Variants in HEATR5B observed in about 807,000 individuals in gnomAD.
The protein encoded by HEATR5B is HEAT repeat containing 5B, also known as HEAT repeat-containing protein 5B.
Under a neutral mutation model 224.1 loss-of-function variants are expected in HEATR5B, and 156 were observed. That is an observed-to-expected ratio of 0.70 (90% CI 0.61 to 0.80). HEATR5B has a LOEUF of 0.80. HEATR5B is among the 30% of genes least tolerant of loss of function. The pLI, the probability that HEATR5B is intolerant of heterozygous loss-of-function variation, is 0.00. For missense variants in HEATR5B, 2,323 were observed against 2,535.5 expected, an observed-to-expected ratio of 0.92 and a Z score of 1.80; for synonymous variants, 1,027 against 893.0, an observed-to-expected ratio of 1.15 and a Z score of -2.68.
At chr2:37,066,007 T>C (rs1671567127) in intron 8 of HEATR5B, 97 bp from the exon 9 acceptor site, 1 of 1,008,022 alleles carries the variant, frequency 9.9e-7, no homozygotes, top group Non-Finnish European at 1.4e-6. Flanking sequence ...TACCAGTTGA[T>C]GTCCGAGTGT....
intron 33 of HEATR5B, among the ~76,000 whole-genome samples, chr2:36,999,484 C>T (rs1384389035): frequency 6.6e-6 from 1 of 151,162 alleles, no homozygotes; most frequent in African/African-American, 2.4e-5. Flanking sequence ...TTGAGATCAG[C>T]CTGGCCAACA....
Position 37,000,570 on chromosome 2 carries a change from A to G in HEATR5B, c.5545+16T>C. ...CATATCCTAACTAACTAAAACGTTT[A>G]AAACTGATAGGTTACCTGGTTGAGA... On this transcript the variant is annotated intron_variant, in intron 33 of 35. Transcript: ENST00000233099. 1 of 1,607,150 alleles carries G rather than the reference A, an allele frequency of 6.2e-7. No homozygotes were observed. The highest frequency in any genetic ancestry group is 8.5e-7 in the Non-Finnish European group (1 of 1,173,670).
At chr2:37,064,567 T>A (rs1671473499) in intron 10 of HEATR5B, among the ~76,000 whole-genome samples, 173 bp downstream of exon 10, 1 of 152,110 alleles carries the variant, frequency 6.6e-6, no homozygotes, top group Non-Finnish European at 1.5e-5. Context: ...TACATCAGAA[T>A]TAAATATCAA....
chr2:36,992,328 C>T (rs1334088752), intron 33 of HEATR5B, among the ~76,000 whole-genome samples: 1 of 152,114 alleles, frequency 6.6e-6, no homozygotes, highest in East Asian at 1.9e-4. Context: ...CTCCTGTAAT[C>T]CCAGCACTTT....
rs377467418 is a variant in HEATR5B, at chr2:37,019,504, T to G, written c.4104+305A>C. 1.3e-4 allele frequency among the ~76,000 whole-genome samples: 19 copies of G among 151,674 alleles called. No individual in the cohort carries two copies. In the East Asian group the frequency reaches 3.1e-3, roughly 25 times the overall value. On this transcript the variant is annotated intron_variant, in intron 26 of 35. Coordinates refer to ENST00000233099, the MANE Select transcript of HEATR5B (RefSeq NM_019024.3). ...CAGGGTCTCGCTCCGTTGCCCAGGC[T>G]GGAGTACAGTGGCGAAATCTTGGGT...
At chr2:37,076,584 G>T (rs1229522784) in intron 4 of HEATR5B, among the ~76,000 whole-genome samples, 1 of 149,602 alleles carries the variant, frequency 6.7e-6, no homozygotes, top group Non-Finnish European at 1.5e-5. Flanking sequence ...GTTGTTTTAA[G>T]CCACCCAGTC....
At position 37,029,972 on chromosome 2, in the gene HEATR5B, T is replaced by TAAATAAATAAAA. The variant is rs1266352467; in HGVS notation, c.3362-1053_3362-1052insTTTTATTTATTT. 1.8e-4 allele frequency among the ~76,000 whole-genome samples: 27 copies of TAAATAAATAAAA among 146,796 alleles called. No individual in the cohort carries two copies. The South Asian group carries it at 4.2e-3, about 23-fold the overall frequency. On this transcript the variant is annotated intron_variant, in intron 22 of 35. Coordinates refer to ENST00000233099, the MANE Select transcript of HEATR5B (RefSeq NM_019024.3). ...ATAAATAAATAAATAAATAAATAAATAAAAATTGGGAAAATCCAAAGAGTA... is the reference window on the plus strand; with the variant it reads ...ATAAATAAATAAATAAATAAATAAATAAATAAATAAAAAAAAATTGGGAAAATCCAAAGAGTA...
chr2:37,037,159 T>TATA (rs1448007926), intron 21 of HEATR5B, among the ~76,000 whole-genome samples: 5 of 139,382 alleles, frequency 3.6e-5, no homozygotes, highest in Non-Finnish European at 6.3e-5. Flanking sequence ...TATATATATA[T>TATA]TTTGGAGATG....
chr2:37,021,543 T>A (rs1668456932), intron 24 of HEATR5B, among the ~76,000 whole-genome samples: 1 of 152,162 alleles, frequency 6.6e-6, no homozygotes, highest in Non-Finnish European at 1.5e-5. Context: ...CTGTGGCCAA[T>A]GCGTAACTGA....
chr2:37,028,199 T>A, intron 23 of HEATR5B, 25 bp from the exon 24 acceptor site: 1 of 1,510,134 alleles, frequency 6.6e-7, no homozygotes, highest in Non-Finnish European at 9.0e-7. Context: ...AGGAATATTG[T>A]AACAATCTCA....
intron 34 of HEATR5B, among the ~76,000 whole-genome samples, chr2:36,989,838 T>C (rs911755220): frequency 6.6e-6 from 1 of 150,774 alleles, no homozygotes. Context: ...ATACAGATCT[T>C]GGAGCCACCT....
At position 37,009,526 on chromosome 2, in the gene HEATR5B, A is replaced by C. The variant is rs1346296119; in HGVS notation, c.4285-678T>G. On this transcript the variant is annotated intron_variant, in intron 27 of 35. Transcript: ENST00000233099. ...CAGGAGTTCAAGGTTCCAGTGAGCT[A>C]TGATCGTGCCACTGCATTCCAGCCT... is the stretch of plus-strand genomic sequence containing the variant. Among the ~76,000 whole-genome samples, 3 of 151,980 alleles carry C rather than the reference A, an allele frequency of 2.0e-5. No homozygotes were observed. In the East Asian group the frequency reaches 5.8e-4, roughly 29 times the overall value.
chr2:37,011,462 T>C (rs1408301305), intron 27 of HEATR5B, among the ~76,000 whole-genome samples: 1 of 152,200 alleles, frequency 6.6e-6, no homozygotes, highest in East Asian at 1.9e-4. Flanking sequence ...CGACTTATAA[T>C]TTTATTTTAA....
intron 26 of HEATR5B, among the ~76,000 whole-genome samples, chr2:37,015,328 T>C (rs570563610): frequency 6.7e-4 from 102 of 152,318 alleles, no homozygotes; most frequent in African/African-American, 2.1e-3. Context: ...ATTATTAGAA[T>C]TGTGCTTTAG....
intron 18 of HEATR5B, among the ~76,000 whole-genome samples, chr2:37,043,590 T>C (rs1328713545): frequency 2.1e-5 from 3 of 144,390 alleles, no homozygotes; most frequent in Non-Finnish European, 4.6e-5. Flanking sequence ...TATGACTTTT[T>C]TGTTGTTGTT....
At chr2:37,019,935 A>C in intron 25 of HEATR5B, 58 bp from the exon 26 acceptor site, 1 of 1,245,908 alleles carries the variant, frequency 8.0e-7, no homozygotes, top group South Asian at 1.2e-5. Flanking sequence ...ACACGGTCTT[A>C]CTCTATCACC....
intron 35 of HEATR5B, among the ~76,000 whole-genome samples, chr2:36,985,151 T>C (rs1365110043): frequency 1.3e-5 from 2 of 152,204 alleles, no homozygotes; most frequent in Admixed American, 1.3e-4. Flanking sequence ...ATTTACCCTC[T>C]TGGAATCATG....
At chr2:37,014,491 T>C (rs556310211) in intron 26 of HEATR5B, among the ~76,000 whole-genome samples, 3 of 152,078 alleles carry the variant, frequency 2.0e-5, no homozygotes, top group African/African-American at 7.2e-5. Flanking sequence ...ATGGTAAGCA[T>C]AGATTTTATT....
intron 6 of HEATR5B, 112 bp from the exon 7 acceptor site, chr2:37,070,499 G>C (rs952242955): frequency 1.5e-5 from 12 of 774,968 alleles, no homozygotes; most frequent in African/African-American, 3.5e-5. Flanking sequence ...AAATGGTTTA[G>C]TTTCCTTATA....
Sources: gnomAD v4.1 joint callset for allele counts (sites outside exome capture counted in the v4.1 genomes callset) on GRCh38, gnomAD v4.1.1 for gene constraint, MANE v1.5 for transcripts, NCBI Gene and HGNC (gene_info 2026-07-23, HGNC 2026-07-21) for gene names.